The following CACNB2 variants were observed in gnomAD, a reference collection of about 807,000 sequenced individuals.
CACNB2 encodes the protein voltage-dependent L-type calcium channel subunit beta-2.
A neutral mutation model predicts 73.3 loss-of-function variants in CACNB2; 42 were observed. The observed-to-expected ratio is 0.57, with a 90% confidence interval of 0.45 to 0.74. The LOEUF (loss-of-function observed/expected upper bound fraction) is 0.74, where lower values mean the gene tolerates loss of function less well. CACNB2 is among the 30% of genes least tolerant of loss of function. The pLI, the probability that CACNB2 is intolerant of heterozygous loss-of-function variation, is 0.00. For missense variants in CACNB2, 940 were observed against 853.0 expected (o/e 1.10, Z -1.27); for synonymous variants, 348 against 310.3 (o/e 1.12, Z -1.28).
At chr10:18,501,693 C>G (rs145291619) in intron 5 of CACNB2, among the ~76,000 whole-genome samples, 67 of 152,318 alleles carry the variant, frequency 4.4e-4, no homozygotes, top group African/African-American at 1.4e-3. Flanking sequence ...AAATACGAAT[C>G]GCTGGATTTC....
intron 4 of CACNB2, 112 bp from the exon 5 acceptor site, chr10:18,500,700 T>A: frequency 9.4e-7 from 1 of 1,065,272 alleles, no homozygotes; most frequent in South Asian, 1.3e-5. Context: ...TGATAATATT[T>A]AAGGCATAGT....
intron 2 of CACNB2, among the ~76,000 whole-genome samples, chr10:18,306,735 C>A (rs1396594989): frequency 6.6e-6 from 1 of 152,118 alleles, no homozygotes; most frequent in Non-Finnish European, 1.5e-5. Flanking sequence ...TTGCCAAAGA[C>A]TGAGCTGTTG....
At chr10:18,272,563 C>A (rs1161268759) in intron 2 of CACNB2, among the ~76,000 whole-genome samples, 2 of 152,078 alleles carry the variant, frequency 1.3e-5, no homozygotes, top group Non-Finnish European at 2.9e-5. Context: ...TGTAATAATC[C>A]CCACGAGTCA....
chr10:18,211,329 C>T (rs1329258526), intron 2 of CACNB2, among the ~76,000 whole-genome samples: 7 of 152,166 alleles, frequency 4.6e-5, no homozygotes, highest in African/African-American at 1.7e-4. Context: ...ATGCATAATT[C>T]CCCATTCTTT....
At chr10:18,303,744 C>T (rs1185599171) in intron 2 of CACNB2, among the ~76,000 whole-genome samples, 6 of 152,124 alleles carry the variant, frequency 3.9e-5, no homozygotes, top group South Asian at 2.1e-4. Context: ...GCGTGTCCAG[C>T]GCTGCCCTTG....
chr10:18,150,735 C>T, intron 1 of CACNB2, 148 bp from the exon 2 acceptor site: 1 of 593,734 alleles, frequency 1.7e-6, no homozygotes, highest in South Asian at 2.3e-5. Flanking sequence ...AGAGTCCCAC[C>T]AGTATTAACT....
chr10:18,493,335 T>C lies in CACNB2; in HGVS notation c.334-5020T>C, dbSNP rs138091154. Among the ~76,000 whole-genome samples the C allele has an allele frequency of 1.3e-3, 198 of 152,240 alleles. 7 individuals carry two copies. In the East Asian group the frequency reaches 0.037, roughly 29 times the overall value. On this transcript the variant is annotated intron_variant, in intron 3 of 13. Transcript: ENST00000324631. ...AGGTCTGGCCACCACGCCTGGCTAA[T>C]TTTTGTATTTTTAGTAGAGACGTGG...
chr10:18,373,187 T>C (rs1043150597), intron 2 of CACNB2, among the ~76,000 whole-genome samples: 2 of 152,174 alleles, frequency 1.3e-5, no homozygotes, highest in Non-Finnish European at 2.9e-5. Context: ...AAGCCTCTTT[T>C]TGAGGGTTCC....
At chr10:18,221,261 T>C (rs1399849518) in intron 2 of CACNB2, among the ~76,000 whole-genome samples, 1 of 151,356 alleles carries the variant, frequency 6.6e-6, no homozygotes, top group East Asian at 1.9e-4. Flanking sequence ...GCAGTACTGT[T>C]GATTGTGTCA....
Position 18,515,037 on chromosome 10 carries a change from T to A in CACNB2, c.804+668T>A, listed in dbSNP as rs1195141550. ...AAAACTGCAGGCTTGTTTTGGCGGT[T>A]TACTGTGAGTTTTTCCTATTGTCAT... is the stretch of plus-strand genomic sequence containing the variant. On this transcript the variant is annotated intron_variant, in intron 7 of 13. Transcript: ENST00000324631. The A allele has an allele frequency of 4.3e-6, 7 of 1,612,418 alleles. No individual in the cohort carries two copies. In the South Asian group the frequency reaches 7.7e-5, roughly 18 times the overall value.
intron 6 of CACNB2, among the ~76,000 whole-genome samples, chr10:18,507,087 C>T (rs1181027319): frequency 6.6e-6 from 1 of 152,210 alleles, no homozygotes; most frequent in Non-Finnish European, 1.5e-5. Context: ...ATGTAAGCCA[C>T]TGCACCCAGC....
intron 2 of CACNB2, among the ~76,000 whole-genome samples, chr10:18,283,749 C>T (rs1326902153): frequency 1.3e-5 from 2 of 151,988 alleles, no homozygotes; most frequent in African/African-American, 4.8e-5. Context: ...AGCACACCAA[C>T]ATGGCATATG....
intron 2 of CACNB2, among the ~76,000 whole-genome samples, chr10:18,361,527 A>G (rs1222536752): frequency 6.6e-6 from 1 of 151,406 alleles, no homozygotes; most frequent in Non-Finnish European, 1.5e-5. Flanking sequence ...GAAAGAAAAA[A>G]CAATTCCAGT....
intron 2 of CACNB2, among the ~76,000 whole-genome samples, chr10:18,301,011 T>C (rs1452488924): frequency 6.6e-6 from 1 of 152,188 alleles, no homozygotes. Context: ...AAGAACGCTA[T>C]TTTAACTTGC....
intron 3 of CACNB2, among the ~76,000 whole-genome samples, chr10:18,488,005 C>T (rs1166458456): frequency 1.3e-5 from 2 of 151,046 alleles, no homozygotes; most frequent in Non-Finnish European, 2.9e-5. Context: ...GACAGGGTTT[C>T]ACCATGTTGC....
chr10:18,481,414 T>C (rs2048769017), intron 3 of CACNB2, among the ~76,000 whole-genome samples: 1 of 149,748 alleles, frequency 6.7e-6, no homozygotes, highest in South Asian at 2.1e-4. Context: ...GCCCGGCTAG[T>C]TTTTGTATTT....
At chr10:18,488,389 G>C (rs1462969005) in intron 3 of CACNB2, among the ~76,000 whole-genome samples, 1 of 139,376 alleles carries the variant, frequency 7.2e-6, no homozygotes, top group African/African-American at 2.7e-5. Flanking sequence ...GCAGGAGAAT[G>C]ACGTGAACCT....
At chr10:18,315,529 C>CAT (rs869158666) in intron 2 of CACNB2, among the ~76,000 whole-genome samples, 21,091 of 65,476 alleles carry the variant, frequency 0.32, 3,275 homozygotes, top group Non-Finnish European at 0.37. Flanking sequence ...AAAAAAAAAA[C>CAT]TTTTTTTTTT....
chr10:18,313,497 T>A (rs903768053), intron 2 of CACNB2, among the ~76,000 whole-genome samples: 4 of 152,066 alleles, frequency 2.6e-5, no homozygotes, highest in South Asian at 2.1e-4. Context: ...TGTATTTTTT[T>A]AAATCTGTTT....
Sources: allele counts gnomAD v4.1 joint callset (sites outside exome capture counted in the v4.1 genomes callset), GRCh38; gene constraint gnomAD v4.1.1; transcripts MANE v1.5; gene names NCBI Gene and HGNC (gene_info 2026-07-23, HGNC 2026-07-21).